Variants in EGFL7 observed in about 807,000 individuals in gnomAD.
EGFL7 encodes EGF like domain multiple 7, also known as epidermal growth factor-like protein 7.
A neutral mutation model predicts 37.1 loss-of-function variants in EGFL7; 48 were observed. That is an observed-to-expected ratio of 1.29 (90% CI 1.03 to 1.65). The LOEUF is 1.65. Among genes scored for constraint, EGFL7 ranks in the 40% most tolerant of loss-of-function variants. The probability of loss-of-function intolerance (pLI) is 0.00; values close to 1 mark genes in which losing one functional copy is unlikely to be tolerated. For synonymous variants in EGFL7, 180 were observed against 156.8 expected, an observed-to-expected ratio of 1.15 and a Z score of -1.10; for missense variants, 384 against 378.9, an observed-to-expected ratio of 1.01 and a Z score of -0.11.
chr9:136,670,633 C>T (rs757031753), intron 8 of EGFL7: 8 of 771,578 alleles, frequency 1.0e-5, no homozygotes, highest in South Asian at 2.7e-5. Flanking sequence ...ACTTTTGGTA[C>T]GCGCTGTGAC....
intron 2 of EGFL7, among the ~76,000 whole-genome samples, 183 bp downstream of exon 2, chr9:136,663,806 C>G (rs1248044025): frequency 1.3e-5 from 2 of 152,198 alleles, no homozygotes; most frequent in Non-Finnish European, 1.5e-5. Flanking sequence ...GAAGGCCCCA[C>G]TTTTTGTCTC....
At chr9:136,664,895 T>G (rs1016308583) in intron 3 of EGFL7, 110 bp downstream of exon 3, 2 of 152,316 alleles carry the variant, frequency 1.3e-5, no homozygotes, top group Non-Finnish European at 2.9e-5. Flanking sequence ...GCTGCTGAAT[T>G]GGGCTGGCCC....
At chr9:136,658,942 C>T (rs1844978168), upstream of EGFL7, 1 of 152,252 alleles carries the variant, frequency 6.6e-6, no homozygotes, top group South Asian at 2.1e-4. Flanking sequence ...AGTGGGCAGC[C>T]CCAGGAAGGG....
intron 8 of EGFL7, 32 bp from the exon 9 acceptor site, chr9:136,670,918 G>T (rs112827976): frequency 1.9e-6 from 3 of 1,547,190 alleles, no homozygotes; most frequent in South Asian, 1.2e-5. Context: ...GGAGCCGGCC[G>T]GCCGTGACCC....
chr9:136,670,900 G>A lies in EGFL7; in HGVS notation c.572-50G>A, dbSNP rs1845811824. 4.0e-6 allele frequency: 6 copies of A among 1,514,802 alleles called. No homozygotes were observed. The South Asian group carries it at 6.0e-5, about 15-fold the overall frequency. 93.8% of individuals were successfully genotyped at this position (1,514,802 alleles called of 1,614,324 possible). A position where few individuals can be genotyped will look rare whatever the true frequency, so the allele number is the denominator to read the frequency against. On this transcript the variant is annotated intron_variant, in intron 8 of 10. Transcript: ENST00000308874. ...TGGGGACAGGAGGGAGCCTGGGGGT[G>A]TGGGTGGGGAGCCGGCCGGCCGTGA...
rs1248823977 is a variant in EGFL7 at position 136,669,731 on chromosome 9, A to C, written c.313+10A>C. ...GGGGCCTGTGGAGCAGGTGAGGGCTATGTCCCTCGGCGCCCGGTGTTAGGA... is the reference window on the plus strand; with the variant it reads ...GGGGCCTGTGGAGCAGGTGAGGGCTCTGTCCCTCGGCGCCCGGTGTTAGGA... On this transcript the variant is annotated intron_variant, in intron 6 of 10. Coordinates refer to ENST00000308874, the MANE Select transcript of EGFL7 (RefSeq NM_016215.5). 5.1e-6 allele frequency: 8 copies of C among 1,568,998 alleles called. No homozygotes were observed. Among genetic ancestry groups the C allele is most frequent in the Non-Finnish European group, 6.9e-6 (8 of 1,154,966 alleles).
chr9:136,663,202 C>T (rs1845253318), intron 1 of EGFL7, 94 bp downstream of exon 1: 1 of 152,488 alleles, frequency 6.6e-6, no homozygotes, highest in Non-Finnish European at 1.5e-5. Flanking sequence ...GCTGGCTGCT[C>T]CGCAATCTGC....
intron 8 of EGFL7, 29 bp downstream of exon 8, chr9:136,670,359 G>A: frequency 6.6e-7 from 1 of 1,521,298 alleles, no homozygotes; most frequent in Non-Finnish European, 8.9e-7. Flanking sequence ...GCCTGGCCTG[G>A]GGAGGCGGGC....
chr9:136,662,732 C>A (rs982866693), upstream of EGFL7, among the ~76,000 whole-genome samples: 1 of 152,136 alleles, frequency 6.6e-6, no homozygotes, highest in Non-Finnish European at 1.5e-5. Flanking sequence ...GGCTTCCCCA[C>A]CCCTGGGCAG....
At chr9:136,670,032 G>A in intron 7 of EGFL7, 23 bp downstream of exon 7, 2 of 1,587,162 alleles carry the variant, frequency 1.3e-6, no homozygotes, top group Non-Finnish European at 1.7e-6. Context: ...CTACCCTGGG[G>A]GGCCCTGGAA....
At chr9:136,665,573 AG>A (rs1588229404) in intron 3 of EGFL7, among the ~76,000 whole-genome samples, 1 of 151,990 alleles carries the variant, frequency 6.6e-6, no homozygotes, top group Non-Finnish European at 1.5e-5. Flanking sequence ...GGATTCCCGG[AG>A]GGGGTGCTGG....
rs746089480 is a variant in EGFL7 at position 136,671,015 on chromosome 9, G to T, written c.636+1G>T. On this transcript the variant is annotated splice_donor_variant, in intron 9 of 10. Transcript: ENST00000308874. LOFTEE classifies it high-confidence loss of function. Reference sequence around the variant, plus strand: ...GTCCAGGGTGGACCTGCTGGAGGAGGTGAGGCATTGGTGGGGGGGGGGGGG... The same window carrying T: ...GTCCAGGGTGGACCTGCTGGAGGAGTTGAGGCATTGGTGGGGGGGGGGGGG... The T allele has an allele frequency of 1.4e-6, 2 of 1,408,912 alleles. No homozygotes were observed. The allele number at this position is 1,408,912 out of a possible 1,614,324, so 87.3% of individuals were successfully genotyped here.
chr9:136,670,281 ACT>A lies in EGFL7; in HGVS notation c.525_526del (p.Val177AlafsTer106), dbSNP rs1845761685. The A allele has an allele frequency of 6.2e-7, 1 of 1,609,326 alleles. No individual in the cohort carries two copies. Among genetic ancestry groups the A allele is most frequent in the Non-Finnish European group, 8.5e-7 (1 of 1,177,668 alleles). On this transcript the variant is annotated frameshift_variant, in exon 8 of 11. Coordinates refer to ENST00000308874, the MANE Select transcript of EGFL7 (RefSeq NM_016215.5). LOFTEE classifies it high-confidence loss of function. The stretch of plus-strand genomic sequence containing the variant: ...GGCACAGCCTGTCTGCAGACGGTAC[ACT>A]CTGTGTGCCCAAGGGAGGGCCCCCC... ...EGHSLSADGT[L>X]CVPKGGPPRV... is the part of the protein sequence containing the mutation.
At chr9:136,661,689 G>T (rs907319252), upstream of EGFL7, among the ~76,000 whole-genome samples, 2 of 152,190 alleles carry the variant, frequency 1.3e-5, no homozygotes, top group African/African-American at 4.8e-5. Flanking sequence ...GAGGGGAGCT[G>T]GTTCCTGCTT....
chr9:136,670,071 G>A (rs1366031223), intron 7 of EGFL7, 62 bp downstream of exon 7: 11 of 1,598,832 alleles, frequency 6.9e-6, no homozygotes, highest in Non-Finnish European at 8.5e-6. Flanking sequence ...TGCATGTCCT[G>A]GGGTTACTGC....
chr9:136,663,363 C>T (rs1160111496), intron 1 of EGFL7, 45 bp from the exon 2 acceptor site: 2 of 152,574 alleles, frequency 1.3e-5, no homozygotes, highest in Non-Finnish European at 2.9e-5. Flanking sequence ...CCCCCAGTCG[C>T]CCTTCCCCTG....
chr9:136,670,301 G>A lies in EGFL7; in HGVS notation c.542G>A (p.Gly181Glu). 6.3e-7 allele frequency: 1 copy of A among 1,596,404 alleles called. No homozygotes were observed. The highest frequency in any genetic ancestry group is 8.6e-7 in the Non-Finnish European group (1 of 1,169,260). ...GGTACACTCTGTGTGCCCAAGGGAG[G>A]GCCCCCCAGGGTGGCCCCCAACCCG... Reference protein sequence around the residue: ...ADGTLCVPKGGPPRVAPNPTG... With the variant: ...ADGTLCVPKGEPPRVAPNPTG... Residue 181 changes from glycine to glutamate, a missense_variant, in exon 8 of 11, where the codon GGG (glycine) becomes GAG (glutamate). Coordinates refer to ENST00000308874, the MANE Select transcript of EGFL7 (RefSeq NM_016215.5).
In EGFL7 at chr9:136,669,710, C is replaced by A. The variant is rs756727676; in HGVS notation, c.302C>A (p.Ala101Asp). The A allele has an allele frequency of 1.6e-5, 25 of 1,595,088 alleles. No individual in the cohort carries two copies. The Admixed American group carries it at 4.2e-4, about 27-fold the overall frequency. The change falls in exon 6 of 11, where the codon GCC becomes GAC. Residue 101 changes from alanine to aspartate, a missense_variant. By Grantham distance (126) the Ala-to-Asp change is moderately radical. Coordinates refer to ENST00000308874, the MANE Select transcript of EGFL7 (RefSeq NM_016215.5). ...AAGAGGACCAGCGGGCTTCCTGGGG[C>A]CTGTGGAGCAGGTGAGGGCTATGTC... ...GWKRTSGLPGACGAAICQPPC... is the reference protein window; with the variant it reads ...GWKRTSGLPGDCGAAICQPPC...
In EGFL7 at chr9:136,670,252, G is replaced by A. The variant is rs1470750005; in HGVS notation, c.493G>A (p.Glu165Lys). Residue 165 changes from glutamate (E) to lysine (K), a missense_variant, in exon 8 of 11, where the codon GAG (glutamate) becomes AAG (lysine). Physicochemically the swap from Glu to Lys is moderately conservative, Grantham distance 56. Coordinates refer to ENST00000308874, the MANE Select transcript of EGFL7 (RefSeq NM_016215.5). ...TAGSYWCQCWEGHSLSADGTL... is the reference protein window; with the variant it reads ...TAGSYWCQCWKGHSLSADGTL... ...CGGCAGTTACTGGTGCCAGTGTTGGGAGGGGCACAGCCTGTCTGCAGACGG... is the reference window on the plus strand; with the variant it reads ...CGGCAGTTACTGGTGCCAGTGTTGGAAGGGGCACAGCCTGTCTGCAGACGG... The A allele has an allele frequency of 3.7e-6, 6 of 1,612,428 alleles. No individual in the cohort carries two copies. The African/African-American group carries it at 5.3e-5, about 14-fold the overall frequency.
Sources: allele counts gnomAD v4.1 joint callset (sites outside exome capture counted in the v4.1 genomes callset), GRCh38; gene constraint gnomAD v4.1.1; transcripts MANE v1.5; gene names NCBI Gene and HGNC (gene_info 2026-07-23, HGNC 2026-07-21).